The following KCTD16 variants were observed in gnomAD, a reference collection of about 807,000 sequenced individuals.
KCTD16 encodes potassium channel tetramerization domain containing 16, also known as BTB/POZ domain-containing protein KCTD16.
In KCTD16, 13 loss-of-function variants were observed where a neutral mutation model predicts 33.2. That is an observed-to-expected ratio of 0.39 (90% CI 0.25 to 0.62). The LOEUF is 0.62. Ranked by LOEUF, KCTD16 falls within the 20% of genes least tolerant of loss-of-function variation. KCTD16 has a pLI of 0.50. For synonymous variants in KCTD16, 197 were observed against 195.3 expected (o/e 1.01, Z -0.07); for missense variants, 441 against 525.1 (o/e 0.84, Z 1.57).
intron 2 of KCTD16, among the ~76,000 whole-genome samples, chr5:144,195,381 T>C (rs1240855013): frequency 2.6e-5 from 4 of 152,346 alleles, no homozygotes; most frequent in Non-Finnish European, 4.4e-5. Flanking sequence ...GACCACCTCC[T>C]TGGGGGCATC....
chr5:144,474,162 A>G lies in KCTD16; in HGVS notation c.*48A>G. On this transcript the variant is annotated 3_prime_UTR_variant, in exon 4 of 4. Transcript: ENST00000512467. ...GAAAAAAAAAAGTCATTTTGAAATT[A>G]ACCTCCTAAAAGGAATTCATATTTT... is the stretch of plus-strand genomic sequence containing the variant. The G allele has an allele frequency of 7.1e-7, 1 of 1,400,394 alleles. No individual in the cohort carries two copies. The highest frequency in any genetic ancestry group is 9.8e-7 in the Non-Finnish European group (1 of 1,024,528). The allele number at this position is 1,400,394 out of a possible 1,614,324, so 86.7% of individuals were successfully genotyped here. A position where few individuals can be genotyped will look rare whatever the true frequency, so the allele number is the denominator to read the frequency against.
At chr5:144,437,664 G>A (rs1753608895) in intron 3 of KCTD16, among the ~76,000 whole-genome samples, 1 of 152,186 alleles carries the variant, frequency 6.6e-6, no homozygotes, top group Non-Finnish European at 1.5e-5. Context: ...TGTACAGGTA[G>A]TAACTATTCA....
chr5:144,383,441 T>C (rs1259348785), intron 3 of KCTD16, among the ~76,000 whole-genome samples: 1 of 152,114 alleles, frequency 6.6e-6, no homozygotes, highest in East Asian at 1.9e-4. Context: ...CCTAGTCTTT[T>C]CTCATGCCAC....
chr5:144,340,238 T>G (rs1752595541), intron 3 of KCTD16, among the ~76,000 whole-genome samples: 1 of 151,544 alleles, frequency 6.6e-6, no homozygotes, highest in Admixed American at 6.6e-5. Context: ...CCGTCTCTAC[T>G]AAAAATACAA....
intron 3 of KCTD16, among the ~76,000 whole-genome samples, chr5:144,402,129 A>G (rs1268522990): frequency 1.3e-5 from 2 of 152,176 alleles, no homozygotes; most frequent in Non-Finnish European, 2.9e-5. Flanking sequence ...GAACAGGTCA[A>G]CTTAGTGTAC....
intron 3 of KCTD16, among the ~76,000 whole-genome samples, chr5:144,273,260 C>A (rs751661964): frequency 1.5e-4 from 23 of 152,050 alleles, no homozygotes; most frequent in Admixed American, 3.3e-4. Flanking sequence ...ATGAAAACTA[C>A]AATGAGTTAT....
At chr5:144,245,626 G>A (rs1293629650) in intron 3 of KCTD16, among the ~76,000 whole-genome samples, 3 of 152,206 alleles carry the variant, frequency 2.0e-5, no homozygotes, top group African/African-American at 7.2e-5. Flanking sequence ...TTGGAGGTCA[G>A]GTCTGGTGGG....
At chr5:144,366,105 T>C (rs1751826881) in intron 3 of KCTD16, among the ~76,000 whole-genome samples, 1 of 152,168 alleles carries the variant, frequency 6.6e-6, no homozygotes, top group Non-Finnish European at 1.5e-5. Flanking sequence ...TGTACACTCA[T>C]ACATATGTAC....
intron 3 of KCTD16, among the ~76,000 whole-genome samples, chr5:144,430,444 G>C (rs1304369729): frequency 6.6e-6 from 1 of 151,982 alleles, no homozygotes; most frequent in African/African-American, 2.4e-5. Flanking sequence ...GAGCCAAAAG[G>C]GTTGGCTTCC....
At chr5:144,265,647 ACT>A (rs1274150771) in intron 3 of KCTD16, among the ~76,000 whole-genome samples, 1 of 152,230 alleles carries the variant, frequency 6.6e-6, no homozygotes, top group South Asian at 2.1e-4. Flanking sequence ...TTCTTAGAAC[ACT>A]CTTAAATATT....
At chr5:144,361,732 A>G (rs780821870) in intron 3 of KCTD16, among the ~76,000 whole-genome samples, 3 of 152,206 alleles carry the variant, frequency 2.0e-5, no homozygotes, top group African/African-American at 7.2e-5. Flanking sequence ...GATAACATTT[A>G]GAAATCTCAT....
chr5:144,474,116 G>A lies in KCTD16; in HGVS notation c.*2G>A, dbSNP rs201982942. 7.4e-4 allele frequency: 1,170 copies of A among 1,573,268 alleles called. 7 individuals are homozygous for A. The Middle Eastern group carries it at 0.014, about 18-fold the overall frequency. ...CTTTTAAGGAAGTATCATCTATAAG[G>A]GAGGGCTGGGGGCGGGAAAAGAAAA... On this transcript the variant is annotated 3_prime_UTR_variant, in exon 4 of 4. Transcript: ENST00000512467.
chr5:144,218,523 G>T (rs1250498967), intron 3 of KCTD16, among the ~76,000 whole-genome samples: 1 of 152,048 alleles, frequency 6.6e-6, no homozygotes, highest in Non-Finnish European at 1.5e-5. Context: ...ATTATTAATA[G>T]TTATGCCAAG....
At chr5:144,268,248 A>G (rs1755199942) in intron 3 of KCTD16, among the ~76,000 whole-genome samples, 1 of 152,196 alleles carries the variant, frequency 6.6e-6, no homozygotes, top group African/African-American at 2.4e-5. Flanking sequence ...AATGTAGATC[A>G]GTGCTATGAT....
chr5:144,217,634 T>C (rs1446040998), intron 3 of KCTD16, among the ~76,000 whole-genome samples: 1 of 152,198 alleles, frequency 6.6e-6, no homozygotes, highest in Non-Finnish European at 1.5e-5. Flanking sequence ...TATGAAGTAC[T>C]TTTCTGTAGG....
intron 3 of KCTD16, among the ~76,000 whole-genome samples, chr5:144,212,014 A>G (rs1338725516): frequency 6.6e-6 from 1 of 152,182 alleles, no homozygotes; most frequent in African/African-American, 2.4e-5. Context: ...GTATTTGTAC[A>G]TAAGAGCACT....
chr5:144,311,166 T>C (rs573595456), intron 3 of KCTD16, among the ~76,000 whole-genome samples: 2 of 152,290 alleles, frequency 1.3e-5, no homozygotes, highest in African/African-American at 4.8e-5. Context: ...TGAGACTCAA[T>C]TGTCCCACTT....
chr5:144,360,793 C>A (rs1580901153), intron 3 of KCTD16, among the ~76,000 whole-genome samples: 1 of 151,984 alleles, frequency 6.6e-6, no homozygotes, highest in East Asian at 1.9e-4. Flanking sequence ...TTTTTTTATT[C>A]AGTATCATTG....
intron 3 of KCTD16, among the ~76,000 whole-genome samples, chr5:144,212,264 A>G (rs1000039990): frequency 6.6e-6 from 1 of 152,160 alleles, no homozygotes; most frequent in Non-Finnish European, 1.5e-5. Context: ...ACAGTGATTT[A>G]AGCATGTTAG....
Sources: allele counts gnomAD v4.1 joint callset (sites outside exome capture counted in the v4.1 genomes callset), GRCh38; gene constraint gnomAD v4.1.1; transcripts MANE v1.5; gene names NCBI Gene and HGNC (gene_info 2026-07-23, HGNC 2026-07-21).